DVL3: variants seen among roughly 807,000 people sequenced by gnomAD.
The protein encoded by DVL3 is dishevelled segment polarity protein 3.
DVL3 carries 27 observed loss-of-function variants against 67.4 expected under a neutral mutation model. The observed-to-expected ratio is 0.40, with a 90% CI of 0.30 to 0.55. The LOEUF is 0.55. Ranked by LOEUF, DVL3 falls within the 20% of genes least tolerant of loss-of-function variation. The pLI, the probability that DVL3 is intolerant of heterozygous loss-of-function variation, is 0.46. For missense variants in DVL3, 819 were observed against 1,021.5 expected (o/e 0.80, Z 2.70); for synonymous variants, 369 against 396.8 (o/e 0.93, Z 0.83).
chr3:184,163,443 C>G lies in DVL3; in HGVS notation c.162-214C>G, dbSNP rs539896826. The stretch of plus-strand genomic sequence containing the variant: ...AATCACCTGATGACTGAGAGGATGC[C>G]CCGGGAAGGTATCTGGCCTAGGCAG... On this transcript the variant is annotated intron_variant, in intron 1 of 14. Transcript: ENST00000313143. This position sits in a 1 kb window ranked among gnomAD's most constrained non-coding sequence, Gnocchi z 4.5. 6.6e-6 allele frequency among the ~76,000 whole-genome samples: 1 copy of G among 152,038 alleles called. No individual in the cohort carries two copies. The highest frequency in any genetic ancestry group is 2.1e-4 in the South Asian group (1 of 4,822).
In DVL3 at chr3:184,170,784, C is replaced by G. The variant is rs941679203; in HGVS notation, c.*29C>G. The G allele has an allele frequency of 6.2e-7, 1 of 1,610,816 alleles. No homozygotes were observed. The highest frequency in any genetic ancestry group is 8.5e-7 in the Non-Finnish European group (1 of 1,178,992). On this transcript the variant is annotated 3_prime_UTR_variant, in exon 15 of 15. Coordinates refer to ENST00000313143, the MANE Select transcript of DVL3 (RefSeq NM_004423.4). The surrounding 1 kb of genome is among the most constrained non-coding windows in gnomAD (Gnocchi z 6.5). ...GGGCCCCTCCCCCAGCTCCATTCCG[C>G]TCCCACCCCAGCCGGCTGCGTTCCT... is the stretch of plus-strand genomic sequence containing the variant.
At position 184,172,981 on chromosome 3, in the gene DVL3, C is replaced by T. The variant is rs1288524766; in HGVS notation, c.*2226C>T. On this transcript the variant is annotated 3_prime_UTR_variant, in exon 15 of 15. Transcript: ENST00000313143. ...AGTATCAGTGCTTCCATCGTTCCAT[C>T]TTTGATTCACTTCTCTTTCCTTTCT... 6.6e-6 allele frequency: 1 copy of T among 152,294 alleles called. No homozygotes were observed. The highest frequency in any genetic ancestry group is 1.5e-5 in the Non-Finnish European group (1 of 68,066). 9.4% of individuals were successfully genotyped at this position (152,294 alleles called of 1,614,324 possible).
Position 184,168,077 on chromosome 3 carries a change from C to T in DVL3, c.1498+12C>T. 1 of 1,609,422 alleles carries T rather than the reference C, an allele frequency of 6.2e-7. No individual in the cohort carries two copies. The highest frequency in any genetic ancestry group is 8.5e-7 in the Non-Finnish European group (1 of 1,176,290). On this transcript the variant is annotated intron_variant, in intron 13 of 14. Transcript: ENST00000313143. ...TGACCTCTGCGGCAGTATGTGCCTC[C>T]CTCATCTTCTTGCCCTGTCTCCTGG... is the stretch of plus-strand genomic sequence containing the variant.
Position 184,172,246 on chromosome 3 carries a change from C to T in DVL3, c.*1491C>T, listed in dbSNP as rs59843451. On this transcript the variant is annotated 3_prime_UTR_variant, in exon 15 of 15. Transcript: ENST00000313143. ...CTTCCAGGACTTCCAGACAGAGTAC[C>T]AGGTTTTATTTTTCACCTTATTCTC... is the stretch of plus-strand genomic sequence containing the variant. The T allele has an allele frequency of 0.18, 26,817 of 152,172 alleles. 3,991 individuals are homozygous for T. The highest frequency in any genetic ancestry group is 0.4 in the African/African-American group (16,707 of 41,432). 9.4% of individuals were successfully genotyped at this position (152,172 alleles called of 1,614,324 possible).
rs1195286689 is a variant in DVL3 at position 184,170,291 on chromosome 3, C to T, written c.1715-28C>T. 1.3e-6 allele frequency: 2 copies of T among 1,590,858 alleles called. No individual in the cohort carries two copies. The highest frequency in any genetic ancestry group is 2.3e-5 in the East Asian group (1 of 44,028). ...GCTTCCCCCGCCCGCTCAGCCTGCC[C>T]CACCCCGGCCCTGTTTGCCTCCTAC... On this transcript the variant is annotated intron_variant, in intron 14 of 14. Transcript: ENST00000313143. This position sits in a 1 kb window ranked among gnomAD's most constrained non-coding sequence, Gnocchi z 6.5.
chr3:184,161,791 GA>G (rs1714390843), intron 1 of DVL3, among the ~76,000 whole-genome samples: 1 of 152,342 alleles, frequency 6.6e-6, no homozygotes, highest in African/African-American at 2.4e-5. Context: ...ACAGTGGAAA[GA>G]GTATGGATTT....
chr3:184,166,606 G>C lies in DVL3; in HGVS notation c.981G>C (p.Gly327=). Residue 327 remains glycine, a splice_region_variant and synonymous_variant, in exon 10 of 15, where the codon GGG becomes GGC. Transcript: ENST00000313143. The surrounding 1 kb of genome is among the most constrained non-coding windows in gnomAD (Gnocchi z 6.7). ...TTCACTAGGACACCCTTGTTTTCAG[G>C]CCCATCACCCTGACTGTAGCCAAGT... ...RVLREIVHKP[G]PITLTVAKCW... is the part of the protein sequence containing the mutation. 6.2e-7 allele frequency: 1 copy of C among 1,614,176 alleles called. No individual in the cohort carries two copies. Among genetic ancestry groups the C allele is most frequent in the Non-Finnish European group, 8.5e-7 (1 of 1,180,026 alleles).
intron 1 of DVL3, among the ~76,000 whole-genome samples, chr3:184,161,508 T>C (rs1175207079): frequency 6.6e-6 from 1 of 152,170 alleles, no homozygotes; most frequent in Non-Finnish European, 1.5e-5. Context: ...TCAGAGCTCC[T>C]GGCATGCGTC....
In DVL3 at chr3:184,170,060, A is replaced by G. The variant is rs777359335; in HGVS notation, c.1553A>G (p.Gln518Arg). The G allele has an allele frequency of 9.3e-6, 15 of 1,613,660 alleles. No homozygotes were observed. The highest frequency in any genetic ancestry group is 1.2e-5 in the Non-Finnish European group (14 of 1,179,874). ...GATGGCTCCAGTGGCGCCTCTGACCAGGACACACTGGCCCCTTTGCCGCAC... is the reference window on the plus strand; with the variant it reads ...GATGGCTCCAGTGGCGCCTCTGACCGGGACACACTGGCCCCTTTGCCGCAC... The part of the protein sequence containing the change: ...DHDGSSGASD[Q>R]DTLAPLPHPG... Residue 518 changes from glutamine to arginine, a missense_variant, in exon 14 of 15, where the codon CAG becomes CGG. Gln to Arg is a conservative substitution (Grantham distance 43, BLOSUM62 1). Around this residue, in one of 3 missense-constraint regions of DVL3, gnomAD observed 324 missense variants for 331.3 expected, o/e 0.98. Coordinates refer to ENST00000313143, the MANE Select transcript of DVL3 (RefSeq NM_004423.4). The surrounding 1 kb of genome is among the most constrained non-coding windows in gnomAD (Gnocchi z 6.5).
In DVL3 at chr3:184,170,812, C is replaced by T. The variant is rs1191535693; in HGVS notation, c.*57C>T. ...CCACCCCAGCCGGCTGCGTTCCTCT[C>T]TCCATCCGTCCGTCTTTTTTACTTT... On this transcript the variant is annotated 3_prime_UTR_variant, in exon 15 of 15. Coordinates refer to ENST00000313143, the MANE Select transcript of DVL3 (RefSeq NM_004423.4). The surrounding 1 kb of genome is among the most constrained non-coding windows in gnomAD (Gnocchi z 6.5). 1.3e-6 allele frequency: 2 copies of T among 1,599,128 alleles called. No homozygotes were observed. Among genetic ancestry groups the T allele is most frequent in the East Asian group, 2.3e-5 (1 of 44,018 alleles).
In DVL3 at chr3:184,172,690, A is replaced by G. The variant is rs1044187441; in HGVS notation, c.*1935A>G. 6.6e-6 allele frequency: 1 copy of G among 152,252 alleles called. No homozygotes were observed. The highest frequency in any genetic ancestry group is 6.5e-5 in the Admixed American group (1 of 15,284). The allele number at this position is 152,252 out of a possible 1,614,324, so 9.4% of individuals were successfully genotyped here. The stretch of plus-strand genomic sequence containing the variant: ...CAAGCGGAGGTTGCAGTGAGTTGAG[A>G]TCGCACTCCAGCCTGGGTGACAGAG... On this transcript the variant is annotated 3_prime_UTR_variant, in exon 15 of 15. Coordinates refer to ENST00000313143, the MANE Select transcript of DVL3 (RefSeq NM_004423.4).
chr3:184,169,971 A>G lies in DVL3; in HGVS notation c.1499-35A>G, dbSNP rs757452398. 6 of 1,549,104 alleles carry G rather than the reference A, an allele frequency of 3.9e-6. No individual in the cohort carries two copies. The South Asian group carries it at 4.8e-5, about 12-fold the overall frequency. ...ACCTAGGCTAGGGACCTCTCTCCGG[A>G]AAGACCTAGCTCCATCCGGCCCTCC... On this transcript the variant is annotated intron_variant, in intron 13 of 14. Coordinates refer to ENST00000313143, the MANE Select transcript of DVL3 (RefSeq NM_004423.4).
In DVL3 at chr3:184,172,777, G is replaced by C. The variant is rs1447666660; in HGVS notation, c.*2022G>C. On this transcript the variant is annotated 3_prime_UTR_variant, in exon 15 of 15. Coordinates refer to ENST00000313143, the MANE Select transcript of DVL3 (RefSeq NM_004423.4). ...ACAATACTTCCTGGGGTTTTGGTGTGCAGAGGGCTTTGTTGGAAGTGTGAC... is the reference window on the plus strand; with the variant it reads ...ACAATACTTCCTGGGGTTTTGGTGTCCAGAGGGCTTTGTTGGAAGTGTGAC... 1 of 152,204 alleles carries C rather than the reference G, an allele frequency of 6.6e-6. No homozygotes were observed. Among genetic ancestry groups the C allele is most frequent in the African/African-American group, 2.4e-5 (1 of 41,436 alleles). 9.4% of individuals were successfully genotyped at this position (152,204 alleles called of 1,614,324 possible).
intron 1 of DVL3, among the ~76,000 whole-genome samples, chr3:184,158,049 ACT>A (rs140378631): frequency 2.0e-5 from 3 of 152,238 alleles, no homozygotes; most frequent in East Asian, 3.9e-4. Flanking sequence ...TACAAATGAA[ACT>A]CTGTCAGGCA....
At chr3:184,161,319 C>T (rs534899168) in intron 1 of DVL3, among the ~76,000 whole-genome samples, 2 of 152,102 alleles carry the variant, frequency 1.3e-5, no homozygotes, top group Admixed American at 6.6e-5. Context: ...CCCAGCTACT[C>T]GGCAGGCTGA....
rs567728643 is a variant in DVL3, at chr3:184,156,998, C to CT, written c.161+1203dup. Reference sequence around the variant, plus strand: ...GCACTAGGAAGCAAGCACCTTCTGTCTAATGCCTGGCATGTTTTGCTGTCA... The same window carrying CT: ...GCACTAGGAAGCAAGCACCTTCTGTCTTAATGCCTGGCATGTTTTGCTGTCA... On this transcript the variant is annotated intron_variant, in intron 1 of 14. Coordinates refer to ENST00000313143, the MANE Select transcript of DVL3 (RefSeq NM_004423.4). 3.1e-4 allele frequency: 49 copies of CT among 159,230 alleles called. 1 individual carries two copies. The South Asian group carries it at 6.7e-3, about 22-fold the overall frequency. 9.9% of individuals were successfully genotyped at this position (159,230 alleles called of 1,614,324 possible).
At position 184,164,373 on chromosome 3, in the gene DVL3, G is replaced by A. The variant is rs180953456; in HGVS notation, c.338G>A (p.Arg113Gln). 2.1e-5 allele frequency: 34 copies of A among 1,613,788 alleles called. No individual in the cohort carries two copies. The East Asian group carries it at 2.9e-4, about 14-fold the overall frequency. The part of the protein sequence containing the change: ...MERTGGIGDS[R>Q]PPSFHPHAGG... ...CGCACGGGAGGCATCGGGGACTCCCGACCCCCATCCTTCCAGTGAGTGTGA... is the reference window on the plus strand; with the variant it reads ...CGCACGGGAGGCATCGGGGACTCCCAACCCCCATCCTTCCAGTGAGTGTGA... Residue 113 changes from arginine to glutamine, a missense_variant, in exon 3 of 15, where the codon CGA (arginine) becomes CAA (glutamine). Around this residue, in one of 3 missense-constraint regions of DVL3, gnomAD observed 385 missense variants for 486.8 expected, o/e 0.79. Transcript: ENST00000313143. This position sits in a 1 kb window ranked among gnomAD's most constrained non-coding sequence, Gnocchi z 5.3.
chr3:184,162,560 C>CT (rs35869796), intron 1 of DVL3, among the ~76,000 whole-genome samples: 13,985 of 123,426 alleles, frequency 0.11, 1,231 homozygotes, highest in Non-Finnish European at 0.16. Context: ...TTTTTCTTTT[C>CT]TTTTTTTTTT....
chr3:184,155,618 G>A lies in DVL3; in HGVS notation c.-18G>A, dbSNP rs747601940. The A allele has an allele frequency of 1.5e-6, 2 of 1,341,780 alleles. No homozygotes were observed. Among genetic ancestry groups the A allele is most frequent in the Admixed American group, 5.6e-5 (2 of 35,504 alleles). 83.1% of individuals were successfully genotyped at this position (1,341,780 alleles called of 1,614,324 possible). On this transcript the variant is annotated 5_prime_UTR_variant, in exon 1 of 15. Coordinates refer to ENST00000313143, the MANE Select transcript of DVL3 (RefSeq NM_004423.4). This position sits in a 1 kb window ranked among gnomAD's most constrained non-coding sequence, Gnocchi z 5.4. The stretch of plus-strand genomic sequence containing the variant: ...CCGAGCAGGCCGCGCGCGGGCCGCC[G>A]GGCCCGAGGCCAGAGCCATGGGCGA...
Sources: gnomAD v4.1 joint callset for allele counts (sites outside exome capture counted in the v4.1 genomes callset) on GRCh38, gnomAD v4.1.1 for gene constraint, gnomAD v4.1.1 regional missense constraint, Gnocchi (gnomAD v3.1) non-coding constraint, MANE v1.5 for transcripts, NCBI Gene and HGNC (gene_info 2026-07-23, HGNC 2026-07-21) for gene names.